LDAH: variants seen among roughly 807,000 people sequenced by gnomAD.
The protein encoded by LDAH is lipid droplet associated hydrolase.
Under a neutral mutation model 29.6 loss-of-function variants are expected in LDAH, and 26 were observed. The ratio of observed to expected loss-of-function variants is 0.88; its 90% CI spans 0.64 to 1.22. The LOEUF (loss-of-function observed/expected upper bound fraction) is 1.22, where lower values mean the gene tolerates loss of function less well. Ranked by LOEUF, LDAH falls within the 50% of genes most tolerant of loss-of-function variation. LDAH has a pLI of 0.00. For missense variants in LDAH, 344 were observed against 387.3 expected (o/e 0.89, Z 0.94); for synonymous variants, 117 against 133.0 (o/e 0.88, Z 0.83).
At chr2:20,722,520 T>C (rs1192712328) in intron 5 of LDAH, among the ~76,000 whole-genome samples, 1 of 150,316 alleles carries the variant, frequency 6.7e-6, no homozygotes, top group East Asian at 2.0e-4. Context: ...ATATAAGAAA[T>C]AAGTTCCTGT....
At chr2:20,773,990 G>A (rs1669615113) in intron 4 of LDAH, among the ~76,000 whole-genome samples, 1 of 152,128 alleles carries the variant, frequency 6.6e-6, no homozygotes, top group Admixed American at 6.6e-5. Context: ...GCAGACTCCA[G>A]GCTCTCCTAC....
Position 20,706,485 on chromosome 2 carries a change from G to C in LDAH, c.704-4833C>G, listed in dbSNP as rs145214421. Among the ~76,000 whole-genome samples, 878 of 152,274 alleles carry C rather than the reference G, an allele frequency of 5.8e-3. 7 individuals carry two copies. Among genetic ancestry groups the C allele is most frequent in the Middle Eastern group, 0.01 (3 of 294 alleles). ...ACCCATCCTTTGTCTTGGCTTAGAT[G>C]CTCTGTCTTTTCGCTACCTTGCTCT... On this transcript the variant is annotated intron_variant, in intron 5 of 6. Transcript: ENST00000237822.
chr2:20,796,636 C>T (rs956953079), intron 2 of LDAH, among the ~76,000 whole-genome samples: 2 of 152,210 alleles, frequency 1.3e-5, no homozygotes, highest in African/African-American at 4.8e-5. Context: ...CCCATGACTA[C>T]ACCCTGGATC....
At chr2:20,800,803 T>G (rs1671607431) in intron 2 of LDAH, among the ~76,000 whole-genome samples, 1 of 151,988 alleles carries the variant, frequency 6.6e-6, no homozygotes, top group Non-Finnish European at 1.5e-5. Flanking sequence ...CCAGCTAATT[T>G]TTTGTTTTTT....
intron 3 of LDAH, among the ~76,000 whole-genome samples, chr2:20,779,143 T>A (rs1344709811): frequency 6.6e-6 from 1 of 152,140 alleles, no homozygotes; most frequent in African/African-American, 2.4e-5. Flanking sequence ...CTGCCCCCAG[T>A]CATTACTCCA....
intron 5 of LDAH, among the ~76,000 whole-genome samples, chr2:20,722,974 T>G (rs1665767224): frequency 6.6e-6 from 1 of 152,212 alleles, no homozygotes; most frequent in African/African-American, 2.4e-5. Flanking sequence ...GCATACCATA[T>G]GACCTCTGCA....
At chr2:20,729,843 C>T (rs369193667) in intron 5 of LDAH, among the ~76,000 whole-genome samples, 23 of 152,152 alleles carry the variant, frequency 1.5e-4, no homozygotes, top group African/African-American at 3.6e-4. Flanking sequence ...TTGCCCAGGC[C>T]GAAGTGCAGT....
chr2:20,766,145 C>T (rs2124980539), intron 4 of LDAH, among the ~76,000 whole-genome samples: 1 of 152,050 alleles, frequency 6.6e-6, no homozygotes, highest in Middle Eastern at 3.4e-3. Context: ...TATCAACACA[C>T]ACACAAAGTG....
chr2:20,722,458 C>T lies in LDAH; in HGVS notation c.703+17513G>A, dbSNP rs558842513. On this transcript the variant is annotated intron_variant, in intron 5 of 6. Transcript: ENST00000237822. ...CACTACCAGAGGCTTAGAAAGGAAG[C>T]GGGGTGGAACAGATGAGAGAAATTG... 6.0e-5 allele frequency among the ~76,000 whole-genome samples: 9 copies of T among 148,880 alleles called. No homozygotes were observed. The South Asian group carries it at 6.4e-4, about 11-fold the overall frequency.
At chr2:20,819,916 T>A (rs1308540463) in intron 1 of LDAH, among the ~76,000 whole-genome samples, 1 of 152,142 alleles carries the variant, frequency 6.6e-6, no homozygotes, top group Non-Finnish European at 1.5e-5. Flanking sequence ...TTCAGCAAAG[T>A]CTCAAGATAC....
chr2:20,786,876 T>C (rs1670592905), intron 3 of LDAH, among the ~76,000 whole-genome samples: 1 of 152,208 alleles, frequency 6.6e-6, no homozygotes, highest in Admixed American at 6.5e-5. Flanking sequence ...GAACTCTTTT[T>C]CCCTTGGAAA....
At position 20,744,343 on chromosome 2, in the gene LDAH, T is replaced by A. The variant is rs182138980; in HGVS notation, c.469-4138A>T. The stretch of plus-strand genomic sequence containing the variant: ...AGCTTTTAGCAATGTAGCAGTTAGG[T>A]GGGGGAAAGGGGAGGGGAGACATTC... On this transcript the variant is annotated intron_variant, in intron 4 of 6. Transcript: ENST00000237822. Among the ~76,000 whole-genome samples the A allele has an allele frequency of 9.4e-3, 1,418 of 151,116 alleles. 20 individuals carry two copies. The highest frequency in any genetic ancestry group is 0.033 in the African/African-American group (1,362 of 41,118).
intron 5 of LDAH, among the ~76,000 whole-genome samples, chr2:20,730,099 T>G (rs2149418432): frequency 6.6e-6 from 1 of 152,366 alleles, no homozygotes; most frequent in African/African-American, 2.4e-5. Context: ...TCACTGAGCA[T>G]AATTCTCTGG....
chr2:20,738,029 G>A (rs974129247), intron 5 of LDAH, among the ~76,000 whole-genome samples: 9 of 151,818 alleles, frequency 5.9e-5, no homozygotes, highest in Admixed American at 3.9e-4. Context: ...TGAGGCGGGC[G>A]GATCACGAGG....
intron 5 of LDAH, among the ~76,000 whole-genome samples, chr2:20,712,354 G>C (rs1664829455): frequency 6.6e-6 from 1 of 152,178 alleles, no homozygotes; most frequent in Non-Finnish European, 1.5e-5. Context: ...CAACCAAAAG[G>C]ACATCCACAC....
At chr2:20,799,032 G>A (rs1572656062) in intron 2 of LDAH, among the ~76,000 whole-genome samples, 2 of 152,012 alleles carry the variant, frequency 1.3e-5, no homozygotes, top group South Asian at 4.1e-4. Flanking sequence ...TTCGACACAC[G>A]CCTGGCCAAC....
chr2:20,784,278 C>T (rs1451295955), intron 3 of LDAH, among the ~76,000 whole-genome samples: 1 of 152,058 alleles, frequency 6.6e-6, no homozygotes, highest in Non-Finnish European at 1.5e-5. Flanking sequence ...TGCTGGCACA[C>T]ACTTGTGGTC....
At chr2:20,736,419 G>A (rs551493039) in intron 5 of LDAH, among the ~76,000 whole-genome samples, 1 of 152,210 alleles carries the variant, frequency 6.6e-6, no homozygotes, top group African/African-American at 2.4e-5. Flanking sequence ...CCTAGCCTGG[G>A]TGGCAGAGTG....
chr2:20,751,374 C>T (rs1261320861), intron 4 of LDAH, among the ~76,000 whole-genome samples: 2 of 152,104 alleles, frequency 1.3e-5, no homozygotes, highest in African/African-American at 2.4e-5. Flanking sequence ...CCAGTTAGTC[C>T]TCCTATAGAT....
Sources: allele counts gnomAD v4.1 joint callset (sites outside exome capture counted in the v4.1 genomes callset), GRCh38; gene constraint gnomAD v4.1.1; transcripts MANE v1.5; gene names NCBI Gene and HGNC (gene_info 2026-07-23, HGNC 2026-07-21).